LRRC37A2: variants seen among roughly 807,000 people sequenced by gnomAD.
The protein encoded by LRRC37A2 is leucine-rich repeat-containing protein 37A2.
In LRRC37A2, 9 loss-of-function variants were observed where a neutral mutation model predicts 68.8. The observed-to-expected ratio is 0.13, with a 90% CI of 0.08 to 0.23. LRRC37A2 has a LOEUF of 0.23. Ranked by LOEUF, LRRC37A2 falls within the 10% of genes least tolerant of loss-of-function variation. The pLI is 1.00. For missense variants in LRRC37A2, 168 were observed against 950.4 expected (o/e 0.18, Z 10.82); for synonymous variants, 63 against 367.6 (o/e 0.17, Z 9.48).
the LRRC37A2 span, among the ~76,000 whole-genome samples, chr17:47,000,081 T>TAAAAATAA: frequency 2.6e-4 from 4 of 15,320 alleles, no homozygotes; most frequent in African/African-American, 5.3e-4. Flanking sequence ...AAATAAAAAA[T>TAAAAATAA]AAAATAAAAT....
the LRRC37A2 span, chr17:46,940,650 C>T: frequency 2.5e-5 from 41 of 1,613,612 alleles, no homozygotes; most frequent in African/African-American, 1.7e-4. Flanking sequence ...CAGAAGTCCC[C>T]GCACCCATCA....
chr17:46,952,412 A>G, the LRRC37A2 span, among the ~76,000 whole-genome samples: 2 of 152,084 alleles, frequency 1.3e-5, no homozygotes, highest in African/African-American at 4.8e-5. Flanking sequence ...ACCAACATCC[A>G]TTCCTCCCCT....
the LRRC37A2 span, among the ~76,000 whole-genome samples, chr17:46,862,378 C>T: frequency 6.6e-6 from 1 of 152,114 alleles, no homozygotes; most frequent in Admixed American, 6.5e-5. Flanking sequence ...TAGACATCTA[C>T]AGGTTGGGAT....
At chr17:46,876,012 A>AC in the LRRC37A2 span, among the ~76,000 whole-genome samples, 2 of 152,114 alleles carry the variant, frequency 1.3e-5, no homozygotes, top group Non-Finnish European at 2.9e-5. Flanking sequence ...GTTGGTGTGA[A>AC]CCGGGGCTGC....
chr17:46,974,997 T>C, the LRRC37A2 span, among the ~76,000 whole-genome samples: 2 of 25,856 alleles, frequency 7.7e-5, no homozygotes, highest in African/African-American at 7.5e-5. Flanking sequence ...CTTTTTTTTT[T>C]TTTTTTTTTT....
the LRRC37A2 span, among the ~76,000 whole-genome samples, chr17:46,853,656 C>G: frequency 6.6e-5 from 10 of 152,112 alleles, no homozygotes; most frequent in Non-Finnish European, 1.3e-4. Flanking sequence ...GCATGAGCCA[C>G]CAGGCCTGGC....
the LRRC37A2 span, among the ~76,000 whole-genome samples, chr17:46,873,161 T>C: frequency 6.6e-6 from 1 of 151,248 alleles, no homozygotes; most frequent in Non-Finnish European, 1.5e-5. Flanking sequence ...GACGTGAGGA[T>C]GGGCGGCAGC....
chr17:46,755,304 A>C, the LRRC37A2 span: 1 of 1,609,872 alleles, frequency 6.2e-7, no homozygotes, highest in Middle Eastern at 1.7e-4. Context: ...ATTTCTTCTG[A>C]TGTATTTAGA....
At chr17:46,709,705 G>A in the LRRC37A2 span, among the ~76,000 whole-genome samples, 3 of 151,998 alleles carry the variant, frequency 2.0e-5, no homozygotes, top group Admixed American at 2.0e-4. Flanking sequence ...ACGTTGGCCA[G>A]GTTGGTCTGG....
chr17:46,761,587 G>A, the LRRC37A2 span, among the ~76,000 whole-genome samples: 2 of 151,868 alleles, frequency 1.3e-5, no homozygotes, highest in Non-Finnish European at 2.9e-5. Flanking sequence ...CACCCACCTC[G>A]GCCTCCCAAA....
chr17:46,861,180 C>A, the LRRC37A2 span, among the ~76,000 whole-genome samples: 1 of 152,246 alleles, frequency 6.6e-6, no homozygotes, highest in Non-Finnish European at 1.5e-5. Context: ...GTGGCCCAGG[C>A]CCTGCACTTG....
the LRRC37A2 span, among the ~76,000 whole-genome samples, chr17:46,392,214 T>C: frequency 3.2e-5 from 1 of 31,076 alleles, no homozygotes; most frequent in Non-Finnish European, 2.0e-4. Flanking sequence ...TTCTTTTTTC[T>C]TTTTTTTTTT....
chr17:46,595,492 CTTT>C, the LRRC37A2 span, among the ~76,000 whole-genome samples: 3 of 96,110 alleles, frequency 3.1e-5, no homozygotes, highest in African/African-American at 6.4e-5. Context: ...ATCACTGGAT[CTTT>C]TTTTTTTTTT....
At chr17:46,568,576 G>A in the LRRC37A2 span, among the ~76,000 whole-genome samples, 1 of 100,868 alleles carries the variant, frequency 9.9e-6, no homozygotes, top group African/African-American at 4.1e-5. Context: ...GGCCAAGGTG[G>A]GCAGATGCTT....
the LRRC37A2 span, among the ~76,000 whole-genome samples, chr17:46,968,389 T>A: frequency 2.9e-3 from 445 of 152,336 alleles, 1 homozygote; most frequent in Non-Finnish European, 4.1e-3. Flanking sequence ...CCCAACCCAC[T>A]GAATGTGTGA....
At chr17:46,929,418 A>T in the LRRC37A2 span, 1 of 749,318 alleles carries the variant, frequency 1.3e-6, no homozygotes, top group South Asian at 1.4e-5. Context: ...GATGCTGTCG[A>T]TTTAAATCAG....
the LRRC37A2 span, among the ~76,000 whole-genome samples, chr17:46,666,036 G>A: frequency 1.4e-5 from 2 of 147,460 alleles, no homozygotes; most frequent in African/African-American, 4.9e-5. Flanking sequence ...GGTGAATGCC[G>A]GCAGAGCAGG....
the LRRC37A2 span, among the ~76,000 whole-genome samples, chr17:46,798,994 G>A: frequency 1.4e-5 from 2 of 143,624 alleles, no homozygotes; most frequent in African/African-American, 5.3e-5. Flanking sequence ...GTTACAGTGA[G>A]CCAAGATCAC....
the LRRC37A2 span, among the ~76,000 whole-genome samples, chr17:46,961,055 A>G: frequency 6.6e-6 from 1 of 152,242 alleles, no homozygotes; most frequent in African/African-American, 2.4e-5. Flanking sequence ...TGGGAATAAA[A>G]TACTAGACAA....
Sources: gnomAD v4.1 joint callset for allele counts (sites outside exome capture counted in the v4.1 genomes callset) on GRCh38, gnomAD v4.1.1 for gene constraint, MANE v1.5 for transcripts, NCBI Gene and HGNC (gene_info 2026-07-23, HGNC 2026-07-21) for gene names.